DCK: variants seen among roughly 807,000 people sequenced by gnomAD.
DCK encodes deoxyadenosine kinase.
In DCK, 23 loss-of-function variants were observed where a neutral mutation model predicts 38.3. The ratio of observed to expected loss-of-function variants is 0.60; its 90% CI spans 0.43 to 0.85. DCK has a LOEUF of 0.85. Ranked by LOEUF, DCK falls within the 40% of genes least tolerant of loss-of-function variation. The probability of loss-of-function intolerance (pLI) is 0.00; values close to 1 mark genes in which losing one functional copy is unlikely to be tolerated. For missense variants in DCK, 259 were observed against 304.4 expected, an observed-to-expected ratio of 0.85 and a Z score of 1.11; for synonymous variants, 108 against 100.6, an observed-to-expected ratio of 1.07 and a Z score of -0.44.
At chr4:70,999,041 T>G (rs1037229039) in intron 2 of DCK, among the ~76,000 whole-genome samples, 14 of 152,342 alleles carry the variant, frequency 9.2e-5, no homozygotes, top group African/African-American at 3.4e-4. Flanking sequence ...TTGTTATCCT[T>G]TAAGTTCTGG....
chr4:71,010,932 A>G (rs1740074761), intron 2 of DCK, among the ~76,000 whole-genome samples: 1 of 151,402 alleles, frequency 6.6e-6, no homozygotes, highest in Admixed American at 6.6e-5. Flanking sequence ...ACTTTTAATA[A>G]GTCATTCTTT....
At chr4:71,006,797 C>A (rs776253949) in intron 2 of DCK, among the ~76,000 whole-genome samples, 1 of 151,776 alleles carries the variant, frequency 6.6e-6, no homozygotes, top group Non-Finnish European at 1.5e-5. Flanking sequence ...GACAGCAAGA[C>A]CCTGTCTAAA....
At chr4:71,001,248 C>T (rs560140456) in intron 2 of DCK, among the ~76,000 whole-genome samples, 47 of 152,068 alleles carry the variant, frequency 3.1e-4, no homozygotes, top group Non-Finnish European at 5.4e-4. Flanking sequence ...GATAATCATG[C>T]GGTTTTTGTC....
intron 2 of DCK, among the ~76,000 whole-genome samples, chr4:71,007,988 G>A (rs1432944361): frequency 6.6e-6 from 1 of 152,136 alleles, no homozygotes; most frequent in Non-Finnish European, 1.5e-5. Flanking sequence ...CAGCCTCCCA[G>A]AGTGTTGGGA....
chr4:71,016,825 A>C (rs1740277371), intron 2 of DCK, among the ~76,000 whole-genome samples: 1 of 152,250 alleles, frequency 6.6e-6, no homozygotes, highest in African/African-American at 2.4e-5. Context: ...AAAACCATAA[A>C]AACCCTAGAA....
At chr4:71,012,283 T>C (rs1028715330) in intron 2 of DCK, among the ~76,000 whole-genome samples, 10 of 152,164 alleles carry the variant, frequency 6.6e-5, no homozygotes, top group Non-Finnish European at 1.0e-4. Flanking sequence ...TGGAACTGGG[T>C]GGAGCCCACC....
At chr4:71,025,151 T>G (rs1268992903) in intron 4 of DCK, among the ~76,000 whole-genome samples, 1 of 152,098 alleles carries the variant, frequency 6.6e-6, no homozygotes, top group East Asian at 1.9e-4. Flanking sequence ...AAATTTTTTA[T>G]GTATGTGTGC....
At chr4:71,027,500 C>G (rs925980247) in intron 6 of DCK, among the ~76,000 whole-genome samples, 3 of 152,026 alleles carry the variant, frequency 2.0e-5, no homozygotes, top group Admixed American at 2.0e-4. Flanking sequence ...ACAAATATCC[C>G]TATACCCATG....
rs1200818183 is a variant in DCK, at chr4:70,998,083, A to G, written c.108A>G (p.Thr36=). 4 of 1,587,884 alleles carry G rather than the reference A, an allele frequency of 2.5e-6. No individual in the cohort carries two copies. Among genetic ancestry groups the G allele is most frequent in the Admixed American group, 3.5e-5 (2 of 57,270 alleles). ...TCACAACAGCTGCAGGGAAGTCAAC[A>G]TTTGTGAATATCCTTAAACAATTGT... ...IEGNIAAGKS[T]FVNILKQLCE... The change falls in exon 2 of 7, where the codon ACA becomes ACG. Residue 36 remains threonine, a synonymous_variant. Transcript: ENST00000286648.
chr4:70,993,667 C>G lies in DCK; in HGVS notation c.-169C>G, dbSNP rs1038873994. ...GCCCGCCAGTGTCCTCAGCTGCCTC[C>G]GCGCGCCAAAGTCAAACCCCGACAC... On this transcript the variant is annotated 5_prime_UTR_variant, in exon 1 of 7. Coordinates refer to ENST00000286648, the MANE Select transcript of DCK (RefSeq NM_000788.3). 5.2e-5 allele frequency: 29 copies of G among 559,386 alleles called. No homozygotes were observed. The highest frequency in any genetic ancestry group is 7.2e-5 in the Non-Finnish European group (23 of 317,696). The allele number at this position is 559,386 out of a possible 1,614,324, so 34.7% of individuals were successfully genotyped here. A position where few individuals can be genotyped will look rare whatever the true frequency, so the allele number is the denominator to read the frequency against.
chr4:70,996,310 CTGTGGT>C (rs1288177052), intron 1 of DCK, among the ~76,000 whole-genome samples: 1 of 152,088 alleles, frequency 6.6e-6, no homozygotes, highest in Non-Finnish European at 1.5e-5. Flanking sequence ...CTGCCGTGAG[CTGTGGT>C]TGTGCCACTG....
At chr4:70,994,621 C>A (rs1369720843) in intron 1 of DCK, among the ~76,000 whole-genome samples, 1 of 152,172 alleles carries the variant, frequency 6.6e-6, no homozygotes, top group African/African-American at 2.4e-5. Context: ...TATCCATTTT[C>A]TAGTTGTGGA....
chr4:71,011,232 CTT>C lies in DCK; in HGVS notation c.208-11112_208-11111del, dbSNP rs11322673. 6.2e-3 allele frequency among the ~76,000 whole-genome samples: 574 copies of C among 92,996 alleles called. 2 individuals carry two copies. Among genetic ancestry groups the C allele is most frequent in the Middle Eastern group, 0.028 (4 of 142 alleles). The allele number at this position is 92,996 out of a possible 152,430, so 61.0% of individuals were successfully genotyped here. On this transcript the variant is annotated intron_variant, in intron 2 of 6. Coordinates refer to ENST00000286648, the MANE Select transcript of DCK (RefSeq NM_000788.3). The stretch of plus-strand genomic sequence containing the variant: ...GGCTGGGATTACAGGTGTGAGGTCT[CTT>C]TTTTTTTTTTTTTTTTTTTTTTAAG...
At chr4:71,029,284 A>C in intron 6 of DCK, 68 bp from the exon 7 acceptor site, 1 of 1,021,590 alleles carries the variant, frequency 9.8e-7, no homozygotes, top group Non-Finnish European at 1.5e-6. Context: ...CTTTTAAATG[A>C]AGATGAATAT....
At chr4:71,024,606 C>T (rs1052277402) in intron 4 of DCK, among the ~76,000 whole-genome samples, 4 of 151,922 alleles carry the variant, frequency 2.6e-5, no homozygotes, top group African/African-American at 9.7e-5. Flanking sequence ...CCTATTCCAA[C>T]GGATGATTTT....
chr4:71,007,117 A>G (rs1045890937), intron 2 of DCK, among the ~76,000 whole-genome samples: 1 of 152,178 alleles, frequency 6.6e-6, no homozygotes, highest in African/African-American at 2.4e-5. Flanking sequence ...CTAATTCAGT[A>G]CACCCCAATC....
chr4:71,017,737 C>G (rs1740308248), intron 2 of DCK, among the ~76,000 whole-genome samples: 2 of 135,150 alleles, frequency 1.5e-5, no homozygotes, highest in South Asian at 4.5e-4. Flanking sequence ...AATGAGAACT[C>G]TTGGACACAG....
Position 70,994,458 on chromosome 4 carries a change from G to A in DCK, c.91+532G>A, listed in dbSNP as rs556172468. ...CTGCAAGTGTTGCCTTTTCCAGAAT[G>A]CCATATAAATGGAATCATAGGCTAT... On this transcript the variant is annotated intron_variant, in intron 1 of 6. Coordinates refer to ENST00000286648, the MANE Select transcript of DCK (RefSeq NM_000788.3). Among the ~76,000 whole-genome samples the A allele has an allele frequency of 2.6e-5, 4 of 152,300 alleles. No individual in the cohort carries two copies. The South Asian group carries it at 8.3e-4, about 32-fold the overall frequency.
At chr4:71,029,256 G>T in intron 6 of DCK, 96 bp from the exon 7 acceptor site, 2 of 710,548 alleles carry the variant, frequency 2.8e-6, no homozygotes, top group South Asian at 2.3e-5. Flanking sequence ...TACAGCTGGG[G>T]TCTTCAACTA....
Sources: allele counts gnomAD v4.1 joint callset (sites outside exome capture counted in the v4.1 genomes callset), GRCh38; gene constraint gnomAD v4.1.1; transcripts MANE v1.5; gene names NCBI Gene and HGNC (gene_info 2026-07-23, HGNC 2026-07-21).